Variants in HHLA2 observed in about 807,000 individuals in gnomAD.
HHLA2 encodes HHLA2 member of B7 family.
In HHLA2, 48 loss-of-function variants were observed where a neutral mutation model predicts 45.9. The observed-to-expected ratio is 1.05, with a 90% CI of 0.83 to 1.33. The LOEUF is 1.33. HHLA2 is among the 40% of genes most tolerant of loss of function. The pLI, the probability that HHLA2 is intolerant of heterozygous loss-of-function variation, is 0.00. For synonymous variants in HHLA2, 161 were observed against 173.9 expected (o/e 0.93, Z 0.59); for missense variants, 462 against 494.3 (o/e 0.93, Z 0.62).
chr3:108,370,825 T>C (rs2082156811), intron 8 of HHLA2, among the ~76,000 whole-genome samples: 2 of 152,164 alleles, frequency 1.3e-5, no homozygotes, highest in South Asian at 4.1e-4. Flanking sequence ...TATGGGACTA[T>C]GTGAAAAGAC....
chr3:108,339,542 T>C (rs556013120), intron 3 of HHLA2, among the ~76,000 whole-genome samples: 70 of 152,054 alleles, frequency 4.6e-4, no homozygotes, highest in Non-Finnish European at 8.7e-4. Context: ...TATTACTATA[T>C]GCTATATTAG....
intron 6 of HHLA2, among the ~76,000 whole-genome samples, chr3:108,356,265 C>T (rs1437571747): frequency 6.6e-6 from 1 of 151,976 alleles, no homozygotes; most frequent in Non-Finnish European, 1.5e-5. Context: ...CTTCTGACCT[C>T]GTGATCCACC....
chr3:108,304,589 T>G (rs1385200069), intron 1 of HHLA2, among the ~76,000 whole-genome samples: 1 of 152,202 alleles, frequency 6.6e-6, no homozygotes, highest in Non-Finnish European at 1.5e-5. Flanking sequence ...ATTCTGAGGT[T>G]CTAGGTGGAT....
At chr3:108,323,858 C>T (rs376182014) in intron 2 of HHLA2, among the ~76,000 whole-genome samples, 1 of 152,132 alleles carries the variant, frequency 6.6e-6, no homozygotes, top group East Asian at 1.9e-4. Flanking sequence ...ATACCTATCT[C>T]CACTCCACTT....
intron 9 of HHLA2, 132 bp downstream of exon 8, chr3:108,375,932 G>A: frequency 8.2e-7 from 1 of 1,217,586 alleles, no homozygotes; most frequent in South Asian, 1.7e-5. Flanking sequence ...GCAGTGAGAT[G>A]GGCTGAAAAT....
rs138627359 is a variant in HHLA2 at position 108,366,885 on chromosome 3, C to T, written c.1108+4439C>T. On this transcript the variant is annotated intron_variant, in intron 8 of 10. Coordinates refer to ENST00000619531, the Ensembl canonical transcript of HHLA2. The stretch of plus-strand genomic sequence containing the variant: ...TTTTCTTCTTTATTAGTCTGGCTAG[C>T]AGTCTATCTATTTTGTTAATCTTTT... Among the ~76,000 whole-genome samples the T allele has an allele frequency of 4.7e-3, 709 of 152,194 alleles. 4 individuals carry two copies. Among genetic ancestry groups the T allele is most frequent in the African/African-American group, 0.016 (677 of 41,516 alleles).
chr3:108,358,943 G>A (rs1414366486), intron 7 of HHLA2, among the ~76,000 whole-genome samples: 1 of 152,176 alleles, frequency 6.6e-6, no homozygotes, highest in Non-Finnish European at 1.5e-5. Flanking sequence ...GGAGACAAGA[G>A]CACAGAGTTG....
intron 1 of HHLA2, among the ~76,000 whole-genome samples, chr3:108,304,816 T>C (rs944857072): frequency 3.3e-5 from 5 of 152,186 alleles, no homozygotes; most frequent in African/African-American, 1.2e-4. Context: ...GTCTTGGGGG[T>C]ACAGCATCAT....
intron 8 of HHLA2, among the ~76,000 whole-genome samples, chr3:108,375,508 G>C (rs1057423690): frequency 6.6e-6 from 1 of 151,510 alleles, no homozygotes; most frequent in Non-Finnish European, 1.5e-5. Context: ...AAAATAAATT[G>C]TACATCAAGT....
intron 6 of HHLA2, among the ~76,000 whole-genome samples, chr3:108,357,272 G>C (rs1314210647): frequency 1.3e-5 from 2 of 152,210 alleles, no homozygotes; most frequent in East Asian, 3.8e-4. Context: ...GGACAAGATG[G>C]AGCTGGGTCT....
At position 108,313,428 on chromosome 3, in the gene HHLA2, A is replaced by G. The variant is rs140950475; in HGVS notation, c.-105+2687A>G. On this transcript the variant is annotated intron_variant, in intron 2 of 10. Coordinates refer to ENST00000619531, the Ensembl canonical transcript of HHLA2. ...TAGTAAATATGTTTCAGAACCACTC[A>G]ACAAGGGCAAGGAGTGGGAGCATTT... Among the ~76,000 whole-genome samples, 4 of 152,256 alleles carry G rather than the reference A, an allele frequency of 2.6e-5. No individual in the cohort carries two copies. In the East Asian group the frequency reaches 7.7e-4, roughly 29 times the overall value.
intron 1 of HHLA2, among the ~76,000 whole-genome samples, chr3:108,300,179 A>G (rs1482549210): frequency 6.6e-6 from 1 of 152,162 alleles, no homozygotes; most frequent in Non-Finnish European, 1.5e-5. Context: ...GGTCGAGGGG[A>G]AACAGCACAG....
chr3:108,329,814 G>A (rs1028684528), intron 3 of HHLA2, among the ~76,000 whole-genome samples: 4 of 152,120 alleles, frequency 2.6e-5, no homozygotes, highest in African/African-American at 9.7e-5. Context: ...CCCTGGGTCA[G>A]GTATTTATGA....
intron 3 of HHLA2, among the ~76,000 whole-genome samples, chr3:108,337,785 C>A (rs555264154): frequency 6.6e-6 from 1 of 151,848 alleles, no homozygotes; most frequent in South Asian, 2.1e-4. Context: ...ATTGTCTGGG[C>A]CTTTGCTCTT....
At chr3:108,323,490 T>C (rs1243941957) in intron 2 of HHLA2, among the ~76,000 whole-genome samples, 1 of 152,162 alleles carries the variant, frequency 6.6e-6, no homozygotes, top group Non-Finnish European at 1.5e-5. Context: ...AACAAAATTA[T>C]AAACATGTAT....
At chr3:108,308,893 T>C (rs1232585954) in intron 1 of HHLA2, among the ~76,000 whole-genome samples, 1 of 152,230 alleles carries the variant, frequency 6.6e-6, no homozygotes, top group Non-Finnish European at 1.5e-5. Flanking sequence ...GAGCTCCTTA[T>C]ATAGTCTGGT....
chr3:108,368,535 C>CAAAAAAAAAAAAAA lies in HHLA2; in HGVS notation c.1108+6111_1108+6124dup, dbSNP rs55718572. 1.4e-3 allele frequency among the ~76,000 whole-genome samples: 9 copies of CAAAAAAAAAAAAAA among 6,622 alleles called. 3 individuals carry two copies. Among genetic ancestry groups the CAAAAAAAAAAAAAA allele is most frequent in the African/African-American group, 1.9e-3 (3 of 1,544 alleles). 4.3% of individuals were successfully genotyped at this position (6,622 alleles called of 152,430 possible). On this transcript the variant is annotated intron_variant, in intron 8 of 10. Coordinates refer to ENST00000619531, the Ensembl canonical transcript of HHLA2. ...GAATATTTACCAAGCAAACGAAGAG[C>CAAAAAAAAAAAAAA]AAAAAAAAAAAAAAAAAAAAAAAAA...
intron 3 of HHLA2, among the ~76,000 whole-genome samples, chr3:108,335,718 T>C (rs2081460782): frequency 6.6e-6 from 1 of 152,166 alleles, no homozygotes; most frequent in Non-Finnish European, 1.5e-5. Context: ...GACCTGACGG[T>C]ATGAATGCGT....
intron 3 of HHLA2, among the ~76,000 whole-genome samples, chr3:108,341,652 C>A (rs989753449): frequency 2.6e-5 from 4 of 152,084 alleles, no homozygotes; most frequent in African/African-American, 9.7e-5. Context: ...GCTCTTCATC[C>A]CTTAGTTTTC....
Sources: gnomAD v4.1 joint callset for allele counts (sites outside exome capture counted in the v4.1 genomes callset) on GRCh38, gnomAD v4.1.1 for gene constraint, MANE v1.5 for transcripts, NCBI Gene and HGNC (gene_info 2026-07-23, HGNC 2026-07-21) for gene names.